SMPD3: variants seen among roughly 807,000 people sequenced by gnomAD.
The protein encoded by SMPD3 is sphingomyelin phosphodiesterase 3.
In SMPD3, 21 loss-of-function variants were observed where a neutral mutation model predicts 55.7. The observed-to-expected ratio is 0.38, with a 90% CI of 0.27 to 0.54. The LOEUF is 0.54. SMPD3 is among the 20% of genes least tolerant of loss of function. The pLI is 0.80. For synonymous variants in SMPD3, 457 were observed against 404.3 expected (o/e 1.13, Z -1.56); for missense variants, 842 against 899.6 (o/e 0.94, Z 0.82).
intron 3 of SMPD3, among the ~76,000 whole-genome samples, chr16:68,366,312 G>T (rs568519124): frequency 6.6e-6 from 1 of 152,056 alleles, no homozygotes; most frequent in South Asian, 2.1e-4. Flanking sequence ...CCATCTGGAC[G>T]TCCTCAGCAG....
chr16:68,371,027 G>C lies in SMPD3; in HGVS notation c.1155C>G (p.Ile385Met). 1 of 1,614,204 alleles carries C rather than the reference G, an allele frequency of 6.2e-7. No individual in the cohort carries two copies. Among genetic ancestry groups the C allele is most frequent in the Non-Finnish European group, 8.5e-7 (1 of 1,180,040 alleles). The change falls in exon 3 of 9, where the codon ATC (isoleucine) becomes ATG (methionine). Residue 385 changes from isoleucine (I) to methionine (M), a missense_variant. Coordinates refer to ENST00000219334, the MANE Select transcript of SMPD3 (RefSeq NM_018667.4). ...AGCCGTAGACCCCGACGTCGTACAGGATGTACTCGAAGTAGCCGTGCAGCT... is the reference window on the plus strand; with the variant it reads ...AGCCGTAGACCCCGACGTCGTACAGCATGTACTCGAAGTAGCCGTGCAGCT... ...KEQLHGYFEY[I>M]LYDVGVYGCQ...
chr16:68,365,522 A>C (rs867716377), intron 3 of SMPD3, among the ~76,000 whole-genome samples: 3 of 115,620 alleles, frequency 2.6e-5, no homozygotes, highest in Non-Finnish European at 3.8e-5. Context: ...CTGAAATCTC[A>C]GGGGGTTGCC....
At chr16:68,440,480 C>T (rs1227911581) in intron 1 of SMPD3, among the ~76,000 whole-genome samples, 2 of 152,230 alleles carry the variant, frequency 1.3e-5, no homozygotes, top group South Asian at 2.1e-4. Context: ...GGATTATAGG[C>T]GTGAGCCACT....
intron 1 of SMPD3, among the ~76,000 whole-genome samples, chr16:68,426,072 G>A (rs2090434035): frequency 6.6e-6 from 1 of 152,136 alleles, no homozygotes; most frequent in Admixed American, 6.5e-5. Context: ...ACACAACAAA[G>A]GTGAAAATAA....
At chr16:68,438,266 C>T (rs955156193) in intron 1 of SMPD3, among the ~76,000 whole-genome samples, 2 of 152,218 alleles carry the variant, frequency 1.3e-5, no homozygotes, top group African/African-American at 4.8e-5. Flanking sequence ...TTGACACAGG[C>T]AGGAATCCTT....
intron 1 of SMPD3, among the ~76,000 whole-genome samples, chr16:68,429,894 C>G (rs900987015): frequency 6.6e-6 from 1 of 152,082 alleles, no homozygotes; most frequent in African/African-American, 2.4e-5. Context: ...TCCCTGAGAC[C>G]AGTTCTGCTA....
Position 68,417,254 on chromosome 16 carries a change from G to T in SMPD3, c.-268-30595C>A, listed in dbSNP as rs74024648. ...TGCTGAGGTCTCATTTGCACCCACA[G>T]TCTGGGTCTGTTTCTCCATCTGCCT... On this transcript the variant is annotated intron_variant, in intron 1 of 8. Coordinates refer to ENST00000219334, the MANE Select transcript of SMPD3 (RefSeq NM_018667.4). Among the ~76,000 whole-genome samples the T allele has an allele frequency of 2.0e-3, 299 of 152,314 alleles. 1 individual carries two copies. Among genetic ancestry groups the T allele is most frequent in the African/African-American group, 6.8e-3 (284 of 41,562 alleles).
chr16:68,429,002 C>T (rs146335074), intron 1 of SMPD3, among the ~76,000 whole-genome samples: 10 of 152,336 alleles, frequency 6.6e-5, no homozygotes, highest in African/African-American at 2.4e-4. Flanking sequence ...CTATATCTGG[C>T]TGCCCTGTGG....
At chr16:68,414,636 A>G (rs1416740605) in intron 1 of SMPD3, among the ~76,000 whole-genome samples, 2 of 152,272 alleles carry the variant, frequency 1.3e-5, no homozygotes, top group South Asian at 2.1e-4. Flanking sequence ...AATGGCATGC[A>G]CAAAGACTTG....
rs1312936167 is a variant in SMPD3, at chr16:68,371,753, G to T, written c.429C>A (p.Asn143Lys). 6.2e-7 allele frequency: 1 copy of T among 1,611,572 alleles called. No individual in the cohort carries two copies. The highest frequency in any genetic ancestry group is 8.5e-7 in the Non-Finnish European group (1 of 1,178,940). ...LLPDSLARVN[N>K]LFNTQARAKE... ...TGGCCCGCGCTTGGGTGTTAAAAAGGTTGTTGACCCTGGCGAGTGAGTCGG... is the reference window on the plus strand; with the variant it reads ...TGGCCCGCGCTTGGGTGTTAAAAAGTTTGTTGACCCTGGCGAGTGAGTCGG... The change falls in exon 3 of 9, where the codon AAC (asparagine) becomes AAA (lysine). Residue 143 changes from asparagine to lysine, a missense_variant. Physicochemically the swap from Asn to Lys is moderately conservative, Grantham distance 94 (BLOSUM62 0). Transcript: ENST00000219334.
chr16:68,395,642 G>C (rs1057339783), intron 1 of SMPD3, among the ~76,000 whole-genome samples: 1 of 152,170 alleles, frequency 6.6e-6, no homozygotes, highest in African/African-American at 2.4e-5. Flanking sequence ...GTGACCCTGA[G>C]TGGCAGCTAG....
intron 8 of SMPD3, 79 bp from the exon 9 acceptor site, chr16:68,361,386 A>G (rs552014668): frequency 4.7e-6 from 7 of 1,479,238 alleles, no homozygotes; most frequent in Non-Finnish European, 6.5e-6. Context: ...GGGGATCCCC[A>G]AAGTGAGGCC....
In SMPD3 at chr16:68,372,140, G is replaced by A. The variant is rs551795548; in HGVS notation, c.42C>T (p.Ser14=). The part of the protein sequence containing the change: ...YTTPFPNSCL[S]ALHCVSWALI... ...GGGCCCAGGACACACAGTGCAGGGC[G>A]GACAGACAGCTGTTAGGAAAGGGGG... The change falls in exon 3 of 9, where the codon TCC becomes TCT. Residue 14 remains serine (S), a synonymous_variant. Coordinates refer to ENST00000219334, the MANE Select transcript of SMPD3 (RefSeq NM_018667.4). The A allele has an allele frequency of 8.9e-5, 144 of 1,612,718 alleles. No homozygotes were observed. The highest frequency in any genetic ancestry group is 4.7e-4 in the South Asian group (43 of 90,674).
intron 1 of SMPD3, among the ~76,000 whole-genome samples, chr16:68,442,498 T>C (rs1383028033): frequency 2.0e-5 from 3 of 152,228 alleles, no homozygotes; most frequent in Non-Finnish European, 2.9e-5. Context: ...AAGAAATGTC[T>C]GTTGAATGAA....
intron 1 of SMPD3, among the ~76,000 whole-genome samples, chr16:68,444,300 C>CAGG (rs1421490690): frequency 6.6e-6 from 1 of 152,200 alleles, no homozygotes; most frequent in East Asian, 1.9e-4. Context: ...CCCCAGGGAG[C>CAGG]AGGAGGGTCT....
intron 1 of SMPD3, among the ~76,000 whole-genome samples, chr16:68,402,107 C>T (rs897997121): frequency 6.6e-6 from 1 of 152,206 alleles, no homozygotes; most frequent in Non-Finnish European, 1.5e-5. Flanking sequence ...ACATCTCTCT[C>T]CCTTTTAGAC....
At chr16:68,424,896 G>A (rs2090423813) in intron 1 of SMPD3, among the ~76,000 whole-genome samples, 1 of 152,178 alleles carries the variant, frequency 6.6e-6, no homozygotes, top group African/African-American at 2.4e-5. Flanking sequence ...ATTTTTGGTA[G>A]AGACAGGGTT....
In SMPD3 at chr16:68,359,948, A is replaced by G. The variant is rs139158140; in HGVS notation, c.*1258T>C. 296 of 152,574 alleles carry G rather than the reference A, an allele frequency of 1.9e-3. 4 individuals carry two copies. The highest frequency in any genetic ancestry group is 2.9e-3 in the Non-Finnish European group (195 of 68,168). The allele number at this position is 152,574 out of a possible 1,614,324, so 9.5% of individuals were successfully genotyped here. The stretch of plus-strand genomic sequence containing the variant: ...CATGCTGAACTTGGGTGCCAGTACC[A>G]CACCCTGCCCTGGGCATGCAGCAAC... On this transcript the variant is annotated 3_prime_UTR_variant, in exon 9 of 9. Transcript: ENST00000219334.
At chr16:68,427,340 C>A (rs1339133185) in intron 1 of SMPD3, among the ~76,000 whole-genome samples, 11 of 152,174 alleles carry the variant, frequency 7.2e-5, no homozygotes, top group African/African-American at 2.7e-4. Flanking sequence ...ATGATCTTAC[C>A]ACTTTTCTGT....
Sources: allele counts gnomAD v4.1 joint callset (sites outside exome capture counted in the v4.1 genomes callset), GRCh38; gene constraint gnomAD v4.1.1; transcripts MANE v1.5; gene names NCBI Gene and HGNC (gene_info 2026-07-23, HGNC 2026-07-21).